TRIM9: variants seen among roughly 807,000 people sequenced by gnomAD.
TRIM9 encodes E3 ubiquitin-protein ligase TRIM9.
Under a neutral mutation model 78.3 loss-of-function variants are expected in TRIM9, and 26 were observed. The ratio of observed to expected loss-of-function variants is 0.33; its 90% confidence interval spans 0.24 to 0.46. TRIM9 has a LOEUF of 0.46. Among genes scored for constraint, TRIM9 ranks in the 20% least tolerant of loss-of-function variants. The pLI is 1.00. For missense variants in TRIM9, 787 were observed against 1,036.4 expected, an observed-to-expected ratio of 0.76 and a Z score of 3.30; for synonymous variants, 398 against 416.5, an observed-to-expected ratio of 0.96 and a Z score of 0.54.
At chr14:51,093,423 G>A (rs2064589420) in intron 1 of TRIM9, among the ~76,000 whole-genome samples, 1 of 152,260 alleles carries the variant, frequency 6.6e-6, no homozygotes, top group Non-Finnish European at 1.5e-5. Context: ...CTCCGGTCCT[G>A]ACACTCTAGT....
chr14:51,002,908 T>G (rs1000462902), intron 5 of TRIM9, among the ~76,000 whole-genome samples: 6 of 152,226 alleles, frequency 3.9e-5, no homozygotes, highest in African/African-American at 1.2e-4. Context: ...AAATCATGTT[T>G]TAAGCTTCAA....
At chr14:51,079,989 G>T (rs77981910) in intron 1 of TRIM9, among the ~76,000 whole-genome samples, 13,418 of 152,212 alleles carry the variant, frequency 0.088, 858 homozygotes, top group African/African-American at 0.19. Context: ...TAGTGCAAAT[G>T]AATGGGGAGA....
intron 1 of TRIM9, among the ~76,000 whole-genome samples, chr14:51,093,752 C>G (rs76456321): frequency 6.6e-6 from 1 of 152,232 alleles, no homozygotes; most frequent in Non-Finnish European, 1.5e-5. Context: ...GCGTGCCTAG[C>G]GGCCCTGGGC....
intron 1 of TRIM9, among the ~76,000 whole-genome samples, chr14:51,051,493 C>T (rs544014658): frequency 6.6e-5 from 10 of 152,070 alleles, no homozygotes; most frequent in South Asian, 2.1e-4. Flanking sequence ...AGTCTTACCT[C>T]GTAGGCCTTT....
At chr14:50,996,589 C>G (rs1381826170) in intron 7 of TRIM9, 1 of 985,452 alleles carries the variant, frequency 1.0e-6, no homozygotes, top group Non-Finnish European at 1.2e-6. Context: ...TTCAATCAAA[C>G]CACCTTGTAC....
chr14:51,027,314 T>C (rs764747927), intron 1 of TRIM9, among the ~76,000 whole-genome samples: 1 of 151,986 alleles, frequency 6.6e-6, no homozygotes, highest in Non-Finnish European at 1.5e-5. Context: ...GAGTGAACTT[T>C]TGTATTTTTA....
intron 1 of TRIM9, among the ~76,000 whole-genome samples, chr14:51,060,821 T>C (rs960932465): frequency 1.3e-5 from 2 of 152,112 alleles, no homozygotes; most frequent in African/African-American, 4.8e-5. Flanking sequence ...GCATATACCA[T>C]GACAGCATTT....
intron 7 of TRIM9, chr14:50,988,448 T>C (rs9944007): frequency 0.34 from 51,948 of 152,006 alleles, 9,339 homozygotes; most frequent in Middle Eastern, 0.41. Context: ...TAACTTGGCA[T>C]TAAGATGGTT....
chr14:50,986,234 T>A, intron 7 of TRIM9, 90 bp from the exon 8 acceptor site: 1 of 1,120,870 alleles, frequency 8.9e-7, no homozygotes. Context: ...AACAATGCAT[T>A]CATACAAAGC....
chr14:50,980,933 A>T (rs112461069), intron 11 of TRIM9, among the ~76,000 whole-genome samples: 6 of 152,186 alleles, frequency 3.9e-5, no homozygotes, highest in African/African-American at 1.4e-4. Context: ...CAATTATCCT[A>T]CCAATGTCTG....
At chr14:51,080,852 G>A (rs2063239107) in intron 1 of TRIM9, among the ~76,000 whole-genome samples, 1 of 152,190 alleles carries the variant, frequency 6.6e-6, no homozygotes, top group Non-Finnish European at 1.5e-5. Flanking sequence ...TATATCCAGG[G>A]ACCCTGATAA....
At chr14:51,080,887 G>T (rs1258101842) in intron 1 of TRIM9, among the ~76,000 whole-genome samples, 1 of 152,216 alleles carries the variant, frequency 6.6e-6, no homozygotes, top group Non-Finnish European at 1.5e-5. Flanking sequence ...CCTGCTTTTG[G>T]ACTTTTCCAT....
intron 1 of TRIM9, among the ~76,000 whole-genome samples, chr14:51,092,760 G>A (rs755640274): frequency 3.9e-5 from 6 of 152,108 alleles, no homozygotes; most frequent in African/African-American, 9.7e-5. Flanking sequence ...GGCTTATTTC[G>A]TTTATGTCTG....
intron 3 of TRIM9, among the ~76,000 whole-genome samples, chr14:51,018,080 TC>T (rs1216173924): frequency 6.6e-6 from 1 of 152,222 alleles, no homozygotes; most frequent in Non-Finnish European, 1.5e-5. Context: ...GTTGAAAGCT[TC>T]AAGTTGTTCC....
chr14:51,004,813 C>T (rs577284485), intron 5 of TRIM9, among the ~76,000 whole-genome samples: 1 of 152,310 alleles, frequency 6.6e-6, no homozygotes, highest in East Asian at 1.9e-4. Flanking sequence ...CATACTGCCC[C>T]TCTCCAGTCC....
At chr14:51,057,220 T>C (rs979150174) in intron 1 of TRIM9, among the ~76,000 whole-genome samples, 2 of 152,230 alleles carry the variant, frequency 1.3e-5, no homozygotes, top group African/African-American at 4.8e-5. Context: ...ATTATCTGAG[T>C]GGCTATTGAA....
intron 7 of TRIM9, among the ~76,000 whole-genome samples, chr14:50,989,316 G>A (rs919698189): frequency 3.3e-5 from 5 of 152,164 alleles, no homozygotes; most frequent in South Asian, 2.1e-4. Context: ...ACCTACTTAA[G>A]TGCGTATTCT....
At chr14:51,058,696 G>C (rs979568468) in intron 1 of TRIM9, among the ~76,000 whole-genome samples, 8 of 152,160 alleles carry the variant, frequency 5.3e-5, no homozygotes, top group African/African-American at 1.9e-4. Flanking sequence ...GATATACTCA[G>C]CTGTCTTTTA....
intron 1 of TRIM9, among the ~76,000 whole-genome samples, chr14:51,064,854 T>C (rs1319959210): frequency 6.6e-6 from 1 of 152,240 alleles, no homozygotes; most frequent in East Asian, 1.9e-4. Context: ...ATTGAAATCA[T>C]TATAAATCAT....
Sources: gnomAD v4.1 joint callset for allele counts (sites outside exome capture counted in the v4.1 genomes callset) on GRCh38, gnomAD v4.1.1 for gene constraint, MANE v1.5 for transcripts, NCBI Gene and HGNC (gene_info 2026-07-23, HGNC 2026-07-21) for gene names.